RAD51B: variants seen among roughly 807,000 people sequenced by gnomAD.
RAD51B encodes DNA repair protein RAD51 homolog 2.
A neutral mutation model predicts 42.2 loss-of-function variants in RAD51B; 38 were observed. The observed-to-expected ratio is 0.90, with a 90% CI of 0.70 to 1.18. The LOEUF (loss-of-function observed/expected upper bound fraction) is 1.18, where lower values mean the gene tolerates loss of function less well. RAD51B is among the 50% of genes most tolerant of loss of function. The pLI, the probability that RAD51B is intolerant of heterozygous loss-of-function variation, is 0.00. For synonymous variants in RAD51B, 154 were observed against 145.2 expected, an observed-to-expected ratio of 1.06 and a Z score of -0.43; for missense variants, 373 against 400.7, an observed-to-expected ratio of 0.93 and a Z score of 0.59.
At chr14:68,027,913 A>G (rs771096456) in intron 7 of RAD51B, among the ~76,000 whole-genome samples, 2 of 152,222 alleles carry the variant, frequency 1.3e-5, no homozygotes, top group Non-Finnish European at 2.9e-5. Flanking sequence ...TTGAACTGCC[A>G]GAATTCTTGC....
At chr14:68,603,256 A>G (rs540610227) in intron 10 of RAD51B, among the ~76,000 whole-genome samples, 5 of 152,292 alleles carry the variant, frequency 3.3e-5, no homozygotes, top group African/African-American at 9.6e-5. Context: ...CTGAAATATT[A>G]TAGGTTTTTA....
chr14:67,938,635 G>T (rs1184152504), intron 7 of RAD51B, among the ~76,000 whole-genome samples: 4 of 152,196 alleles, frequency 2.6e-5, no homozygotes, highest in Non-Finnish European at 5.9e-5. Flanking sequence ...GTCATTTTGT[G>T]TATAGTTTGC....
chr14:68,643,118 C>G (rs1892496081), intron 10 of RAD51B, among the ~76,000 whole-genome samples: 1 of 97,500 alleles, frequency 1.0e-5, no homozygotes, highest in South Asian at 2.6e-4. Context: ...AAGTTTTTAA[C>G]TGTAATAGTG....
chr14:68,376,597 G>A lies in RAD51B; in HGVS notation c.854-34827G>A, dbSNP rs142454241. Among the ~76,000 whole-genome samples, 108 of 152,238 alleles carry A rather than the reference G, an allele frequency of 7.1e-4. No homozygotes were observed. The East Asian group carries it at 0.014, about 19-fold the overall frequency. The stretch of plus-strand genomic sequence containing the variant: ...GTCACAGCACCTGCCAACATAGTTG[G>A]GCAGGGACCCAAGTGGGGTGACTTG... On this transcript the variant is annotated intron_variant, in intron 8 of 10. Coordinates refer to ENST00000471583, the MANE Select transcript of RAD51B (RefSeq NM_133510.4).
At chr14:68,456,934 A>G (rs1468188040) in intron 9 of RAD51B, among the ~76,000 whole-genome samples, 1 of 90,994 alleles carries the variant, frequency 1.1e-5, no homozygotes, top group Non-Finnish European at 2.1e-5. Context: ...TTTTTTTGAG[A>G]CAGAGTCTCA....
intron 7 of RAD51B, among the ~76,000 whole-genome samples, chr14:68,156,123 C>A (rs965525264): frequency 1.3e-5 from 2 of 152,182 alleles, no homozygotes; most frequent in Admixed American, 6.5e-5. Flanking sequence ...GCTTTGCCTG[C>A]TCTGTCAGAG....
At chr14:68,428,904 A>C (rs1355851253) in intron 9 of RAD51B, among the ~76,000 whole-genome samples, 569 of 101,334 alleles carry the variant, frequency 5.6e-3, no homozygotes, top group African/African-American at 8.9e-3. Context: ...GTCCCTCCCC[A>C]CTCCCCCCAC....
At chr14:68,242,569 C>A (rs1765710597) in intron 7 of RAD51B, among the ~76,000 whole-genome samples, 1 of 152,164 alleles carries the variant, frequency 6.6e-6, no homozygotes, top group Admixed American at 6.5e-5. Flanking sequence ...GGGTACATAG[C>A]AATCAGGACT....
At chr14:67,989,961 G>A (rs2075265775) in intron 7 of RAD51B, among the ~76,000 whole-genome samples, 1 of 149,788 alleles carries the variant, frequency 6.7e-6, no homozygotes, top group African/African-American at 2.5e-5. Flanking sequence ...CTTTTCAAAT[G>A]GTAGCCATAT....
At chr14:68,377,705 A>G (rs1187238110) in intron 8 of RAD51B, among the ~76,000 whole-genome samples, 1 of 152,232 alleles carries the variant, frequency 6.6e-6, no homozygotes, top group African/African-American at 2.4e-5. Context: ...TGTGTGAAGA[A>G]GGAAAAAGCT....
At chr14:68,554,002 C>T (rs1447419224) in intron 10 of RAD51B, among the ~76,000 whole-genome samples, 1 of 152,208 alleles carries the variant, frequency 6.6e-6, no homozygotes, top group Non-Finnish European at 1.5e-5. Context: ...AAACTTTCTA[C>T]AGCAGATCAC....
At chr14:68,138,505 A>G (rs913319651) in intron 7 of RAD51B, among the ~76,000 whole-genome samples, 6 of 152,200 alleles carry the variant, frequency 3.9e-5, no homozygotes, top group African/African-American at 1.4e-4. Flanking sequence ...AACTTAAAAA[A>G]AAATTCTCTT....
intron 8 of RAD51B, among the ~76,000 whole-genome samples, chr14:68,322,310 A>G (rs1291601718): frequency 6.6e-6 from 1 of 152,162 alleles, no homozygotes; most frequent in Non-Finnish European, 1.5e-5. Flanking sequence ...GATTTTGACA[A>G]TTAGTCCAGC....
intron 10 of RAD51B, among the ~76,000 whole-genome samples, chr14:68,632,276 T>C (rs1892245476): frequency 6.6e-6 from 1 of 151,840 alleles, no homozygotes; most frequent in Admixed American, 6.6e-5. Flanking sequence ...GCCACTGACT[T>C]TTCCTTCAGC....
At chr14:68,620,642 A>C (rs1056419479) in intron 10 of RAD51B, among the ~76,000 whole-genome samples, 1 of 152,212 alleles carries the variant, frequency 6.6e-6, no homozygotes. Context: ...GCTATTGTTA[A>C]TTAATACCCC....
intron 8 of RAD51B, among the ~76,000 whole-genome samples, chr14:68,378,503 G>A (rs981460896): frequency 1.3e-5 from 2 of 152,124 alleles, no homozygotes; most frequent in African/African-American, 4.8e-5. Context: ...AAAATCTTCA[G>A]ATGCCCAAGT....
intron 10 of RAD51B, among the ~76,000 whole-genome samples, chr14:68,520,330 T>TTATAGGC (rs1886486867): frequency 6.6e-6 from 1 of 152,196 alleles, no homozygotes; most frequent in African/African-American, 2.4e-5. Context: ...ACTTATGGGA[T>TTATAGGC]TATAGGCAAG....
chr14:68,558,653 T>A (rs528166707), intron 10 of RAD51B, among the ~76,000 whole-genome samples: 12 of 152,330 alleles, frequency 7.9e-5, no homozygotes, highest in Admixed American at 7.2e-4. Context: ...GGTGGTCTCC[T>A]TGTGGATGAC....
chr14:68,172,716 A>T (rs2078896394), intron 7 of RAD51B, among the ~76,000 whole-genome samples: 1 of 152,196 alleles, frequency 6.6e-6, no homozygotes. Context: ...TTCCTTTCTC[A>T]TTCAATTATT....
Sources: gnomAD v4.1 joint callset for allele counts (sites outside exome capture counted in the v4.1 genomes callset) on GRCh38, gnomAD v4.1.1 for gene constraint, MANE v1.5 for transcripts, NCBI Gene and HGNC (gene_info 2026-07-23, HGNC 2026-07-21) for gene names.